Variants in LAMA3 observed in about 807,000 individuals in gnomAD.
The protein encoded by LAMA3 is laminin subunit alpha-3.
A neutral mutation model predicts 402.0 loss-of-function variants in LAMA3; 281 were observed. The observed-to-expected ratio is 0.70, with a 90% CI of 0.63 to 0.77. The LOEUF is 0.77. Among genes scored for constraint, LAMA3 ranks in the 30% least tolerant of loss-of-function variants. LAMA3 has a pLI of 0.00. For synonymous variants in LAMA3, 1,431 were observed against 1,558.4 expected (o/e 0.92, Z 1.93); for missense variants, 3,840 against 4,215.5 (o/e 0.91, Z 2.47).
At position 23,758,585 on chromosome 18, in the gene LAMA3, C is replaced by G. The variant is rs559039137; in HGVS notation, c.1063+74C>G. 61 of 1,129,948 alleles carry G rather than the reference C, an allele frequency of 5.4e-5. No individual in the cohort carries two copies. In the South Asian group the frequency reaches 7.2e-4, roughly 13 times the overall value. 70.0% of individuals were successfully genotyped at this position (1,129,948 alleles called of 1,614,324 possible). On this transcript the variant is annotated intron_variant, in intron 7 of 74. Transcript: ENST00000313654. Reference sequence around the variant, plus strand: ...TCCCTGGGGGCTGAGGCTATTTTCCCCATGCTAGAGAAGAGGCTGTGGTCA... The same window carrying G: ...TCCCTGGGGGCTGAGGCTATTTTCCGCATGCTAGAGAAGAGGCTGTGGTCA...
At chr18:23,951,892 A>C in intron 73 of LAMA3, 115 bp downstream of exon 73, 4 of 794,576 alleles carry the variant, frequency 5.0e-6, no homozygotes, top group Non-Finnish European at 8.7e-6. Context: ...GACCAGGGCC[A>C]GCCCCCGAGG....
chr18:23,751,970 A>G (rs1199509302), intron 5 of LAMA3, among the ~76,000 whole-genome samples: 2 of 152,236 alleles, frequency 1.3e-5, no homozygotes, highest in Non-Finnish European at 2.9e-5. Context: ...CGTGGAGAGC[A>G]GATCTGGAGG....
At chr18:23,748,345 C>T (rs1385676934) in intron 3 of LAMA3, among the ~76,000 whole-genome samples, 2 of 150,304 alleles carry the variant, frequency 1.3e-5, no homozygotes, top group Admixed American at 1.3e-4. Flanking sequence ...CACTTGAACC[C>T]AGGAAGCAGA....
chr18:23,870,122 G>A (rs1013081684), intron 37 of LAMA3, among the ~76,000 whole-genome samples: 5 of 152,022 alleles, frequency 3.3e-5, no homozygotes, highest in Admixed American at 2.0e-4. Flanking sequence ...GGCCAACATG[G>A]CGAAACCCTG....
chr18:23,817,657 GTGAGCTA>G (rs932158612), intron 18 of LAMA3, among the ~76,000 whole-genome samples: 2 of 152,210 alleles, frequency 1.3e-5, no homozygotes, highest in African/African-American at 4.8e-5. Flanking sequence ...TGAGGTTGCG[GTGAGCTA>G]TGATTGCATC....
chr18:23,843,105 C>T (rs977899109), intron 29 of LAMA3, among the ~76,000 whole-genome samples: 1 of 152,156 alleles, frequency 6.6e-6, no homozygotes, highest in African/African-American at 2.4e-5. Context: ...GGTGATTTCT[C>T]TTTTCCACTT....
intron 12 of LAMA3, among the ~76,000 whole-genome samples, chr18:23,799,732 A>G (rs560538560): frequency 3.0e-4 from 46 of 151,724 alleles, no homozygotes; most frequent in Admixed American, 2.4e-3. Context: ...GTGTGTGTGT[A>G]CGTATGGAGA....
intron 24 of LAMA3, among the ~76,000 whole-genome samples, chr18:23,836,616 A>G (rs1331850451): frequency 6.6e-6 from 1 of 152,160 alleles, no homozygotes; most frequent in African/African-American, 2.4e-5. Flanking sequence ...GGTGGCTGTG[A>G]GGCTAGCGGG....
intron 23 of LAMA3, among the ~76,000 whole-genome samples, chr18:23,829,720 T>C (rs1568229595): frequency 1.3e-5 from 2 of 152,220 alleles, no homozygotes; most frequent in African/African-American, 4.8e-5. Context: ...AGTGTACCCA[T>C]CACCCAAATA....
chr18:23,839,887 T>A lies in LAMA3; in HGVS notation c.3294T>A (p.Pro1098=). The change falls in exon 27 of 75, where the codon CCT becomes CCA. Residue 1098 remains proline, a synonymous_variant. Coordinates refer to ENST00000313654, the MANE Select transcript of LAMA3 (RefSeq NM_198129.4). This position sits in a 1 kb window ranked among gnomAD's most constrained non-coding sequence, Gnocchi z 4.5. ...CTCACCTGCCCCAGCAGTCGTCACC[T>A]TCTGTTGATGTTCTTCCTGGGGTCA... ...PFPHLPQQSS[P]SVDVLPGVTL... is the part of the protein sequence containing the mutation. 1 of 1,614,228 alleles carries A rather than the reference T, an allele frequency of 6.2e-7. No individual in the cohort carries two copies. Among genetic ancestry groups the A allele is most frequent in the Non-Finnish European group, 8.5e-7 (1 of 1,180,030 alleles).
At chr18:23,750,375 G>A (rs1290148882) in intron 4 of LAMA3, among the ~76,000 whole-genome samples, 1 of 146,042 alleles carries the variant, frequency 6.8e-6, no homozygotes, top group Non-Finnish European at 1.5e-5. Context: ...TATTTCCAAT[G>A]GTTGACACTT....
chr18:23,910,399 CGT>C (rs1182682597), intron 55 of LAMA3, among the ~76,000 whole-genome samples: 1 of 152,108 alleles, frequency 6.6e-6, no homozygotes, highest in Non-Finnish European at 1.5e-5. Context: ...TAGTAGGTAC[CGT>C]GTTAGTGGAA....
rs1244873905 is a variant in LAMA3 at position 23,916,531 on chromosome 18, A to G, written c.7779-20A>G. 4.3e-6 allele frequency: 7 copies of G among 1,613,520 alleles called. No individual in the cohort carries two copies. The Admixed American group carries it at 5.0e-5, about 12-fold the overall frequency. On this transcript the variant is annotated intron_variant, in intron 59 of 74. Coordinates refer to ENST00000313654, the MANE Select transcript of LAMA3 (RefSeq NM_198129.4). ...ATCATTTGCTGCTGTGTTCTAATTT[A>G]TGATGATTAATGTTGACAGGAGGAA...
At position 23,914,410 on chromosome 18, in the gene LAMA3, G is replaced by A. The variant is rs758213718; in HGVS notation, c.7330G>A (p.Ala2444Thr). 19 of 1,614,000 alleles carry A rather than the reference G, an allele frequency of 1.2e-5. No individual in the cohort carries two copies. Among genetic ancestry groups the A allele is most frequent in the Non-Finnish European group, 1.5e-5 (18 of 1,180,024 alleles). ...MFVMYLGNKD[A>T]SRDYIGMAVV... is the part of the protein sequence containing the mutation. ...TTCTGAGGTGGCCCTTTGTCTCCAG[G>A]CCTCCCGGGACTACATCGGCATGGC... is the stretch of plus-strand genomic sequence containing the variant. Residue 2444 changes from alanine (A) to threonine (T), a missense_variant and splice_region_variant, in exon 57 of 75, where the codon GCC becomes ACC. Physicochemically the swap from Ala to Thr is moderately conservative, Grantham distance 58 (BLOSUM62 0). Coordinates refer to ENST00000313654, the MANE Select transcript of LAMA3 (RefSeq NM_198129.4).
intron 1 of LAMA3, among the ~76,000 whole-genome samples, chr18:23,705,679 A>G (rs2060876136): frequency 6.6e-6 from 1 of 152,012 alleles, no homozygotes; most frequent in South Asian, 2.1e-4. Flanking sequence ...CACCATGCCC[A>G]GCTAATTTTT....
At chr18:23,834,135 C>A in intron 24 of LAMA3, 147 bp downstream of exon 24, 1 of 880,818 alleles carries the variant, frequency 1.1e-6, no homozygotes, top group Non-Finnish European at 1.9e-6. Flanking sequence ...TGTGGCCCAA[C>A]GTCATCACCA....
chr18:23,737,369 G>A (rs780189072), intron 2 of LAMA3, among the ~76,000 whole-genome samples: 12 of 152,154 alleles, frequency 7.9e-5, no homozygotes, highest in African/African-American at 1.9e-4. Context: ...GAATCCACCC[G>A]CACTTCACTC....
chr18:23,846,438 C>A lies in LAMA3; in HGVS notation c.3861C>A (p.Cys1287Ter). The A allele has an allele frequency of 6.2e-7, 1 of 1,613,862 alleles. No individual in the cohort carries two copies. The highest frequency in any genetic ancestry group is 8.5e-7 in the Non-Finnish European group (1 of 1,180,020). The change falls in exon 31 of 75, where the codon TGC (cysteine) becomes TGA (stop). Residue 1287 changes from cysteine to a stop codon, truncating the protein, a stop_gained. Coordinates refer to ENST00000313654, the MANE Select transcript of LAMA3 (RefSeq NM_198129.4). LOFTEE classifies it high-confidence loss of function. ...GCCCTGAGGGTGGGCAGTGCCCATG[C>A]CAGCCCAACGTCATCGGGCGGCAGT... Reference protein sequence around the residue: ...HCSPEGGQCPCQPNVIGRQCT... With the variant: ...HCSPEGGQCP
intron 6 of LAMA3, 33 bp from the exon 7 acceptor site, chr18:23,758,363 A>G (rs780772228): frequency 1.3e-6 from 2 of 1,555,952 alleles, no homozygotes; most frequent in Non-Finnish European, 1.8e-6. Context: ...AAAACTTTTC[A>G]ATAACTGAGA....
Sources: gnomAD v4.1 joint callset for allele counts (sites outside exome capture counted in the v4.1 genomes callset) on GRCh38, gnomAD v4.1.1 for gene constraint, Gnocchi (gnomAD v3.1) non-coding constraint, MANE v1.5 for transcripts, NCBI Gene and HGNC (gene_info 2026-07-23, HGNC 2026-07-21) for gene names.